WWC1: variants seen among roughly 807,000 people sequenced by gnomAD.
The protein encoded by WWC1 is WW and C2 domain containing 1.
In WWC1, 55 loss-of-function variants were observed where a neutral mutation model predicts 138.4. That is an observed-to-expected ratio of 0.40 (90% confidence interval 0.32 to 0.50). The LOEUF is 0.50. Ranked by LOEUF, WWC1 falls within the 20% of genes least tolerant of loss-of-function variation. The pLI, the probability that WWC1 is intolerant of heterozygous loss-of-function variation, is 0.72. For synonymous variants in WWC1, 524 were observed against 564.9 expected (o/e 0.93, Z 1.03); for missense variants, 1,226 against 1,420.4 (o/e 0.86, Z 2.20).
chr5:168,331,947 A>G (rs137970985), intron 1 of WWC1, among the ~76,000 whole-genome samples: 1 of 152,104 alleles, frequency 6.6e-6, no homozygotes, highest in Admixed American at 6.5e-5. Context: ...GAAGTTTGAG[A>G]CCAGCCTGGC....
intron 1 of WWC1, among the ~76,000 whole-genome samples, chr5:168,370,783 G>A (rs1776690855): frequency 6.6e-6 from 1 of 152,226 alleles, no homozygotes. Flanking sequence ...CCCACAAGAT[G>A]GGGACATAGA....
chr5:168,461,628 C>G (rs1033235479), intron 20 of WWC1, among the ~76,000 whole-genome samples: 2 of 152,214 alleles, frequency 1.3e-5, no homozygotes, highest in Non-Finnish European at 2.9e-5. Flanking sequence ...AAAGGAGCGA[C>G]CCCTGATTTG....
At chr5:168,387,239 G>A (rs1403018287) in intron 3 of WWC1, among the ~76,000 whole-genome samples, 1 of 152,170 alleles carries the variant, frequency 6.6e-6, no homozygotes, top group African/African-American at 2.4e-5. Context: ...AGGGCATGGT[G>A]TCAGGGTGGC....
rs1050861107 is a variant in WWC1 at position 168,465,074 on chromosome 5, A to G, written c.3150+112A>G. On this transcript the variant is annotated intron_variant, in intron 21 of 22. Coordinates refer to ENST00000265293, the MANE Select transcript of WWC1 (RefSeq NM_015238.3). ...CATGATGCATCCTACAATTCCCACC[A>G]CAGGTTCCACTGAGGGTGTTCCACC... is the stretch of plus-strand genomic sequence containing the variant. 1.4e-5 allele frequency: 20 copies of G among 1,430,610 alleles called. No homozygotes were observed. The Admixed American group carries it at 4.7e-4, about 33-fold the overall frequency. 88.6% of individuals were successfully genotyped at this position (1,430,610 alleles called of 1,614,324 possible).
chr5:168,451,753 C>T (rs1451987945), intron 17 of WWC1, among the ~76,000 whole-genome samples: 3 of 151,972 alleles, frequency 2.0e-5, no homozygotes, highest in Admixed American at 6.6e-5. Flanking sequence ...AAATTAAAAC[C>T]CAACAAGATG....
At position 168,422,057 on chromosome 5, in the gene WWC1, G is replaced by A; in HGVS notation, c.1234G>A (p.Ala412Thr). 6.2e-7 allele frequency: 1 copy of A among 1,612,878 alleles called. No homozygotes were observed. Residue 412 changes from alanine to threonine, a missense_variant, in exon 10 of 23, where the codon GCC (alanine) becomes ACC (threonine). Ala to Thr is a moderately conservative substitution (Grantham distance 58). Around this residue, in one of 3 missense-constraint regions of WWC1, gnomAD observed 1,016 missense variants for 1,153.9 expected, o/e 0.88. Coordinates refer to ENST00000265293, the MANE Select transcript of WWC1 (RefSeq NM_015238.3). ...RNQLVRELEE[A>T]TRQVATLHSQ... is the part of the protein sequence containing the mutation. ...CCAGCTTGTGAGAGAACTGGAGGAA[G>A]CCACCCGGCAGGTGGCAACTCTGCA...
At chr5:168,424,567 G>C (rs1781363823) in intron 11 of WWC1, among the ~76,000 whole-genome samples, 1 of 152,200 alleles carries the variant, frequency 6.6e-6, no homozygotes, top group South Asian at 2.1e-4. Flanking sequence ...GGGCAGGTTG[G>C]GTTGTGAAAG....
chr5:168,410,669 G>T (rs1304375118), intron 8 of WWC1, among the ~76,000 whole-genome samples: 1 of 152,146 alleles, frequency 6.6e-6, no homozygotes, highest in South Asian at 2.1e-4. Context: ...CTCCTGAGTA[G>T]CTGGGATTAC....
At chr5:168,375,087 T>G (rs944841713) in intron 2 of WWC1, among the ~76,000 whole-genome samples, 10 of 152,102 alleles carry the variant, frequency 6.6e-5, no homozygotes, top group African/African-American at 2.4e-4. Context: ...ACATGTGGCT[T>G]GACAGTTTGA....
intron 14 of WWC1, 85 bp from the exon 15 acceptor site, chr5:168,431,167 A>T: frequency 8.1e-7 from 1 of 1,234,524 alleles, no homozygotes; most frequent in Non-Finnish European, 1.1e-6. Flanking sequence ...TTGTTTGCTT[A>T]GGGATTTCAG....
intron 19 of WWC1, among the ~76,000 whole-genome samples, chr5:168,455,833 G>A (rs973881720): frequency 7.9e-5 from 12 of 152,020 alleles, no homozygotes; most frequent in African/African-American, 2.7e-4. Flanking sequence ...CCCGTCAGTG[G>A]CCCCTAGATA....
intron 17 of WWC1, among the ~76,000 whole-genome samples, chr5:168,447,094 G>T (rs574767546): frequency 6.6e-6 from 1 of 152,312 alleles, no homozygotes; most frequent in East Asian, 1.9e-4. Flanking sequence ...TATCACAGCT[G>T]TAAACTTCCG....
chr5:168,418,987 G>C (rs1372814356), intron 9 of WWC1, among the ~76,000 whole-genome samples: 2 of 152,156 alleles, frequency 1.3e-5, no homozygotes, highest in Non-Finnish European at 2.9e-5. Flanking sequence ...CACTCTGCCT[G>C]CTGCTCCTGT....
intron 1 of WWC1, among the ~76,000 whole-genome samples, chr5:168,326,216 C>CTTTTTTTT (rs796347858): frequency 1.8e-5 from 2 of 113,280 alleles, no homozygotes; most frequent in African/African-American, 3.4e-5. Context: ...ACCTGATAGT[C>CTTTTTTTT]TTTTTTTTTT....
chr5:168,414,179 A>C, intron 8 of WWC1, 169 bp from the exon 9 acceptor site: 2 of 929,818 alleles, frequency 2.2e-6, no homozygotes, highest in Non-Finnish European at 3.1e-6. Context: ...CATGGTAGGC[A>C]CCCACATGTG....
intron 1 of WWC1, among the ~76,000 whole-genome samples, chr5:168,293,606 C>T (rs966523711): frequency 7.9e-5 from 12 of 152,120 alleles, no homozygotes; most frequent in Non-Finnish European, 1.3e-4. Context: ...ATATTTAGTG[C>T]TAGAGAGCAT....
chr5:168,365,801 T>C (rs1456054645), intron 1 of WWC1, among the ~76,000 whole-genome samples: 1 of 152,244 alleles, frequency 6.6e-6, no homozygotes, highest in Non-Finnish European at 1.5e-5. Context: ...TTTGTGCTCC[T>C]TTAGAGATTT....
chr5:168,468,972 C>T lies in WWC1; in HGVS notation c.3297C>T (p.Thr1099=), dbSNP rs775424335. 111 of 1,614,084 alleles carry T rather than the reference C, an allele frequency of 6.9e-5. No individual in the cohort carries two copies. The highest frequency in any genetic ancestry group is 9.1e-5 in the Non-Finnish European group (107 of 1,180,042). The change falls in exon 23 of 23, where the codon ACC becomes ACT. Residue 1099 remains threonine, a synonymous_variant. Coordinates refer to ENST00000265293, the MANE Select transcript of WWC1 (RefSeq NM_015238.3). ...QSFREKMAFF[T]RPRMNIPALS... ...ATAGGGAGAAGATGGCATTTTTCAC[C>T]CGGCCTCGGATGAATATCCCAGCTC...
At chr5:168,467,339 GATAT>G (rs1582406358) in intron 21 of WWC1, among the ~76,000 whole-genome samples, 1 of 152,198 alleles carries the variant, frequency 6.6e-6, no homozygotes, top group Non-Finnish European at 1.5e-5. Flanking sequence ...ATGGTACGTG[GATAT>G]TTTAGGGCTG....
Sources: gnomAD v4.1 joint callset for allele counts (sites outside exome capture counted in the v4.1 genomes callset) on GRCh38, gnomAD v4.1.1 for gene constraint, gnomAD v4.1.1 regional missense constraint, MANE v1.5 for transcripts, NCBI Gene and HGNC (gene_info 2026-07-23, HGNC 2026-07-21) for gene names.